EPB41L4A: variants seen among roughly 807,000 people sequenced by gnomAD.
The protein encoded by EPB41L4A is erythrocyte membrane protein band 4.1 like 4A.
In EPB41L4A, 100 loss-of-function variants were observed where a neutral mutation model predicts 108.6. The observed-to-expected ratio is 0.92, with a 90% CI of 0.78 to 1.09. The LOEUF is 1.09. EPB41L4A is among the 50% of genes least tolerant of loss of function. EPB41L4A has a pLI of 0.00. For synonymous variants in EPB41L4A, 319 were observed against 289.0 expected (o/e 1.10, Z -1.05); for missense variants, 1,030 against 842.7 (o/e 1.22, Z -2.75).
intron 1 of EPB41L4A, among the ~76,000 whole-genome samples, chr5:112,409,524 TAAG>T (rs761603722): frequency 1.3e-5 from 2 of 152,132 alleles, no homozygotes; most frequent in Non-Finnish European, 2.9e-5. Flanking sequence ...AAAAATTAAA[TAAG>T]AAATTGAGGA....
chr5:112,161,648 A>G, downstream of EPB41L4A: 1 of 518,594 alleles, frequency 1.9e-6, no homozygotes. Flanking sequence ...CGTGATCTTG[A>G]CCCTGCTAGC....
Position 112,259,427 on chromosome 5 carries a change from G to A in EPB41L4A, c.732-135C>T, listed in dbSNP as rs560746513. The A allele has an allele frequency of 5.1e-5, 35 of 684,352 alleles. No individual in the cohort carries two copies. In the East Asian group the frequency reaches 6.5e-4, roughly 13 times the overall value. The allele number at this position is 684,352 out of a possible 1,614,324, so 42.4% of individuals were successfully genotyped here. A position where few individuals can be genotyped will look rare whatever the true frequency, so the allele number is the denominator to read the frequency against. ...CTGCTCCATACCCAGTACATACAGCGACAGAGAGATTTCCCCATACACTCT... is the reference window on the plus strand; with the variant it reads ...CTGCTCCATACCCAGTACATACAGCAACAGAGAGATTTCCCCATACACTCT... On this transcript the variant is annotated intron_variant, in intron 8 of 22. Transcript: ENST00000261486.
intron 17 of EPB41L4A, among the ~76,000 whole-genome samples, chr5:112,194,245 T>C (rs1197510553): frequency 6.6e-6 from 1 of 152,164 alleles, no homozygotes; most frequent in Non-Finnish European, 1.5e-5. Context: ...CAGGGAGAAA[T>C]CTATCTACGA....
intron 2 of EPB41L4A, among the ~76,000 whole-genome samples, chr5:112,280,861 C>T (rs962912178): frequency 4.6e-5 from 7 of 152,184 alleles, no homozygotes; most frequent in African/African-American, 1.7e-4. Context: ...GCACTGCTCC[C>T]CTTAGAGCCA....
At chr5:112,373,816 G>A (rs1759638955) in intron 1 of EPB41L4A, among the ~76,000 whole-genome samples, 1 of 152,192 alleles carries the variant, frequency 6.6e-6, no homozygotes, top group South Asian at 2.1e-4. Flanking sequence ...TCAATTTAAA[G>A]ATAGTATCTA....
intron 1 of EPB41L4A, among the ~76,000 whole-genome samples, chr5:112,352,276 T>A (rs1306209442): frequency 2.6e-5 from 4 of 152,224 alleles, no homozygotes; most frequent in Admixed American, 2.6e-4. Context: ...AGCTTCCCTC[T>A]TAGCACTGCT....
At chr5:112,235,263 C>A (rs539372969) in intron 11 of EPB41L4A, among the ~76,000 whole-genome samples, 1 of 152,204 alleles carries the variant, frequency 6.6e-6, no homozygotes, top group Non-Finnish European at 1.5e-5. Flanking sequence ...TCCAGGAAGA[C>A]TGAAGGCAGG....
intron 2 of EPB41L4A, among the ~76,000 whole-genome samples, chr5:112,304,806 G>A (rs1002903894): frequency 3.3e-5 from 5 of 152,120 alleles, no homozygotes; most frequent in African/African-American, 1.2e-4. Flanking sequence ...CCTGACAGTT[G>A]AGGAGAAAAA....
chr5:112,416,498 A>G (rs1415782172), intron 1 of EPB41L4A, among the ~76,000 whole-genome samples: 2 of 152,154 alleles, frequency 1.3e-5, no homozygotes, highest in Non-Finnish European at 2.9e-5. Context: ...AATGCTTTTG[A>G]AAAATAGAGA....
chr5:112,398,567 T>A (rs1432434153), intron 1 of EPB41L4A, among the ~76,000 whole-genome samples: 5 of 152,146 alleles, frequency 3.3e-5, no homozygotes, highest in African/African-American at 1.2e-4. Context: ...TTTTGTATTT[T>A]TAGTAGAGAC....
At chr5:112,146,065 T>C in intron 12 of EPB41L4A, 1 of 446,938 alleles carries the variant, frequency 2.2e-6, no homozygotes, top group East Asian at 7.0e-5. Context: ...AAGTAGGTGC[T>C]ACTGCCTCTA....
intron 9 of EPB41L4A, among the ~76,000 whole-genome samples, chr5:112,242,347 C>T (rs1052647976): frequency 6.6e-6 from 1 of 152,166 alleles, no homozygotes; most frequent in Admixed American, 6.5e-5. Context: ...GAGTAGATTC[C>T]AACTCAAGAA....
intron 22 of EPB41L4A, among the ~76,000 whole-genome samples, chr5:112,167,698 CCCAAACCCGTCTTTGA>C (rs927428349): frequency 1.3e-5 from 2 of 152,176 alleles, no homozygotes; most frequent in Admixed American, 1.3e-4. Flanking sequence ...CTTGCCTCTG[CCCAAACCCGTCTTTGA>C]CTTTCTCCCC....
rs147751594 is a variant in EPB41L4A at position 112,403,953 on chromosome 5, A to G, written c.99+14988T>C. ...AAGCTGTACATGAAGGTTGACATCA[A>G]AAAAGGAGGAAGAAGAAAAAAAGAG... On this transcript the variant is annotated intron_variant, in intron 1 of 22. Coordinates refer to ENST00000261486, the MANE Select transcript of EPB41L4A (RefSeq NM_022140.5). Among the ~76,000 whole-genome samples the G allele has an allele frequency of 4.7e-4, 71 of 152,356 alleles. No homozygotes were observed. The East Asian group carries it at 8.7e-3, about 19-fold the overall frequency.
At chr5:112,156,395 G>A (rs1759648599) in intron 12 of EPB41L4A, among the ~76,000 whole-genome samples, 1 of 152,202 alleles carries the variant, frequency 6.6e-6, no homozygotes, top group South Asian at 2.1e-4. Flanking sequence ...AGAGCAGGTG[G>A]TGTAGATTCC....
intron 1 of EPB41L4A, among the ~76,000 whole-genome samples, chr5:112,404,637 C>T (rs1382519037): frequency 6.6e-6 from 1 of 152,204 alleles, no homozygotes; most frequent in Non-Finnish European, 1.5e-5. Flanking sequence ...CCTTCTTCCA[C>T]TACATAGACT....
At chr5:112,152,743 G>A (rs17566428) in intron 12 of EPB41L4A, among the ~76,000 whole-genome samples, 26,154 of 152,014 alleles carry the variant, frequency 0.17, 2,391 homozygotes, top group Non-Finnish European at 0.21. Context: ...GAAAGTAATA[G>A]GAGGAAAAAA....
intron 1 of EPB41L4A, among the ~76,000 whole-genome samples, chr5:112,350,663 C>CT (rs1757978691): frequency 6.6e-6 from 1 of 152,188 alleles, no homozygotes; most frequent in Admixed American, 6.5e-5. Flanking sequence ...CCTCCAGTAT[C>CT]TAACATTCTA....
chr5:112,391,354 C>T (rs1036437646), intron 1 of EPB41L4A, among the ~76,000 whole-genome samples: 2 of 151,940 alleles, frequency 1.3e-5, no homozygotes, highest in African/African-American at 2.4e-5. Flanking sequence ...GAATGGCTAA[C>T]AAGAATAAAT....
Sources: gnomAD v4.1 joint callset for allele counts (sites outside exome capture counted in the v4.1 genomes callset) on GRCh38, gnomAD v4.1.1 for gene constraint, MANE v1.5 for transcripts, NCBI Gene and HGNC (gene_info 2026-07-23, HGNC 2026-07-21) for gene names.